The following IGSF9B variants were observed in gnomAD, a reference collection of about 807,000 sequenced individuals.
IGSF9B encodes the protein protein turtle homolog B.
In IGSF9B, 48 loss-of-function variants were observed where a neutral mutation model predicts 143.7. That is an observed-to-expected ratio of 0.33 (90% CI 0.26 to 0.42). The LOEUF (loss-of-function observed/expected upper bound fraction) is 0.42, where lower values mean the gene tolerates loss of function less well. IGSF9B is among the 20% of genes least tolerant of loss of function. The pLI, the probability that IGSF9B is intolerant of heterozygous loss-of-function variation, is 1.00. For missense variants in IGSF9B, 1,706 were observed against 1,980.0 expected (o/e 0.86, Z 2.63); for synonymous variants, 903 against 833.1 (o/e 1.08, Z -1.44).
Position 133,899,072 on chromosome 11 carries a change from A to G in IGSF9B, c.*9997T>C, listed in dbSNP as rs967681853. On this transcript the variant is annotated 3_prime_UTR_variant, in exon 20 of 20. Transcript: ENST00000533871. ...CCTATTCCCGACTCTTGCTCTATAT[A>G]GTAGACAGAGGTAGCAAGACAGAAA... The G allele has an allele frequency of 1.1e-4, 16 of 152,284 alleles. No homozygotes were observed. Among genetic ancestry groups the G allele is most frequent in the Non-Finnish European group, 1.9e-4 (13 of 68,096 alleles). The allele number at this position is 152,284 out of a possible 1,614,324, so 9.4% of individuals were successfully genotyped here.
rs372861748 is a variant in IGSF9B at position 133,940,793 on chromosome 11, C to T, written c.410-2832G>A. Among the ~76,000 whole-genome samples, 50 of 152,304 alleles carry T rather than the reference C, an allele frequency of 3.3e-4. 1 individual carries two copies. The South Asian group carries it at 7.9e-3, about 24-fold the overall frequency. ...TCATCACATGCAAAAACATACACCT[C>T]GCATGTCCTCGAAAAAATCAATTCT... On this transcript the variant is annotated intron_variant, in intron 3 of 19. Transcript: ENST00000533871.
At chr11:133,939,253 C>T (rs1939878476) in intron 3 of IGSF9B, among the ~76,000 whole-genome samples, 1 of 152,206 alleles carries the variant, frequency 6.6e-6, no homozygotes, top group Non-Finnish European at 1.5e-5. Context: ...CAAGTCTTTG[C>T]TAAAATGCTG....
chr11:133,904,078 A>T lies in IGSF9B; in HGVS notation c.*4991T>A, dbSNP rs960318009. Among the ~76,000 whole-genome samples, 4 of 152,112 alleles carry T rather than the reference A, an allele frequency of 2.6e-5. No homozygotes were observed. The highest frequency in any genetic ancestry group is 7.2e-5 in the African/African-American group (3 of 41,418). On this transcript the variant is annotated 3_prime_UTR_variant, in exon 20 of 20. Transcript: ENST00000533871. Reference sequence around the variant, plus strand: ...AGTGACTTTAGCCTATCAAAAGAAGAGAAAGTAAAGAGAAGGCCTCACGAA... The same window carrying T: ...AGTGACTTTAGCCTATCAAAAGAAGTGAAAGTAAAGAGAAGGCCTCACGAA...
In IGSF9B at chr11:133,920,189, G is replaced by A. The variant is rs1214953829; in HGVS notation, c.3536C>T (p.Pro1179Leu). 6.6e-7 allele frequency: 1 copy of A among 1,513,120 alleles called. No homozygotes were observed. The highest frequency in any genetic ancestry group is 8.8e-7 in the Non-Finnish European group (1 of 1,131,044). 93.7% of individuals were successfully genotyped at this position (1,513,120 alleles called of 1,614,324 possible). Reference sequence around the variant, plus strand: ...GGCGCGCCTGGCCTGCCGAGGGCTAGGCCGGGGCCGGGGCTGGGGCTCATA... The same window carrying A: ...GGCGCGCCTGGCCTGCCGAGGGCTAAGCCGGGGCCGGGGCTGGGGCTCATA... ...RWYEPQPRPR[P>L]SPRQARRAEP... Residue 1179 changes from proline to leucine, a missense_variant, in exon 18 of 20, where the codon CCT becomes CTT. Physicochemically the swap from Pro to Leu is moderately conservative, Grantham distance 98. Coordinates refer to ENST00000533871, the MANE Select transcript of IGSF9B (RefSeq NM_001277285.4).
At chr11:133,923,207 C>T (rs996527915) in intron 15 of IGSF9B, among the ~76,000 whole-genome samples, 4 of 152,222 alleles carry the variant, frequency 2.6e-5, no homozygotes, top group Non-Finnish European at 5.9e-5. Context: ...TGCTCCCAGT[C>T]TGGGATTTCC....
chr11:133,940,472 G>A (rs774402436), intron 3 of IGSF9B, among the ~76,000 whole-genome samples: 7 of 139,034 alleles, frequency 5.0e-5, no homozygotes, highest in South Asian at 2.4e-4. Context: ...CCTCGCACGC[G>A]TCATCGCATA....
In IGSF9B at chr11:133,925,840, C is replaced by T. The variant is rs757272235; in HGVS notation, c.1933G>A (p.Asp645Asn). The change falls in exon 14 of 20, where the codon GAC (aspartate) becomes AAC (asparagine). Residue 645 changes from aspartate to asparagine, a missense_variant. Transcript: ENST00000533871. ...LPPANHSFPI[D>N]RYIMEFRVAE... ...ACACGGAACTCCATGATGTAGCGGT[C>T]GATGGGAAAGCTGTGGTTGGCAGGC... 5.0e-6 allele frequency: 8 copies of T among 1,613,810 alleles called. No homozygotes were observed. Among genetic ancestry groups the T allele is most frequent in the East Asian group, 4.5e-5 (2 of 44,878 alleles).
chr11:133,936,198 G>A lies in IGSF9B; in HGVS notation c.680-4C>T. The A allele has an allele frequency of 6.2e-7, 1 of 1,606,224 alleles. No homozygotes were observed. The highest frequency in any genetic ancestry group is 8.5e-7 in the Non-Finnish European group (1 of 1,176,624). On this transcript the variant is annotated splice_region_variant and splice_polypyrimidine_tract_variant and intron_variant, in intron 5 of 19. Transcript: ENST00000533871. ...GGGGAGACGATGAAAGGGGGCCCTG[G>A]GGAGAGCAGGGAACAAACCCCACCT...
intron 1 of IGSF9B, among the ~76,000 whole-genome samples, chr11:133,947,594 C>G (rs1940077496): frequency 1.3e-5 from 2 of 152,252 alleles, no homozygotes; most frequent in Non-Finnish European, 2.9e-5. Flanking sequence ...CTGACTCTCT[C>G]TGCATCTCGG....
At chr11:133,946,382 C>T in intron 1 of IGSF9B, 124 bp from the exon 2 acceptor site, 1 of 780,080 alleles carries the variant, frequency 1.3e-6, no homozygotes, top group Non-Finnish European at 2.1e-6. Context: ...GGCCACCGTA[C>T]CCTCCCAGGA....
chr11:133,919,121 G>GGGGGGGT, intron 18 of IGSF9B: 1 of 357,012 alleles, frequency 2.8e-6, no homozygotes, highest in Non-Finnish European at 5.7e-6. Flanking sequence ...AGGTATACGG[G>GGGGGGGT]GGGGGGGTGG....
intron 18 of IGSF9B, among the ~76,000 whole-genome samples, chr11:133,917,983 C>T (rs1939422167): frequency 7.0e-6 from 1 of 142,324 alleles, no homozygotes; most frequent in South Asian, 2.2e-4. Flanking sequence ...TGGCAGCAGG[C>T]TGGCGAGGCT....
In IGSF9B at chr11:133,919,776, GTCGGAGCAA is replaced by G. The variant is rs1486469856; in HGVS notation, c.3940_3948del (p.Leu1314_Arg1316del). Reference sequence around the variant, plus strand: ...GGTAACGTGGGTGGTGGGGTCTCCGGTCGGAGCAATTCCTCCCCCGTCCTTCGAGGGGAA... The same window carrying G: ...GGTAACGTGGGTGGTGGGGTCTCCGGTTCCTCCCCCGTCCTTCGAGGGGAA... On this transcript the variant is annotated inframe_deletion, in exon 18 of 20. Coordinates refer to ENST00000533871, the MANE Select transcript of IGSF9B (RefSeq NM_001277285.4). 17 of 1,487,566 alleles carry G rather than the reference GTCGGAGCAA, an allele frequency of 1.1e-5. No homozygotes were observed. The highest frequency in any genetic ancestry group is 1.8e-4 in the Middle Eastern group (1 of 5,530). 92.1% of individuals were successfully genotyped at this position (1,487,566 alleles called of 1,614,324 possible).
intron 3 of IGSF9B, among the ~76,000 whole-genome samples, chr11:133,938,432 T>C (rs1939865293): frequency 6.6e-6 from 1 of 152,142 alleles, no homozygotes; most frequent in African/African-American, 2.4e-5. Context: ...AACCTCATTT[T>C]CCCAGATTCT....
Position 133,945,997 on chromosome 11 carries a change from G to A in IGSF9B, c.262+64C>T. The A allele has an allele frequency of 8.6e-7, 1 of 1,167,506 alleles. No individual in the cohort carries two copies. Among genetic ancestry groups the A allele is most frequent in the Non-Finnish European group, 1.2e-6 (1 of 824,694 alleles). The allele number at this position is 1,167,506 out of a possible 1,614,324, so 72.3% of individuals were successfully genotyped here. A position where few individuals can be genotyped will look rare whatever the true frequency, so the allele number is the denominator to read the frequency against. ...GGTCAGGACAAGGCAGGGGCCAGAG[G>A]GGAACCACCGAGGAGCTGACTCCAG... On this transcript the variant is annotated intron_variant, in intron 2 of 19. Coordinates refer to ENST00000533871, the MANE Select transcript of IGSF9B (RefSeq NM_001277285.4). The surrounding 1 kb of genome is among the most constrained non-coding windows in gnomAD (Gnocchi z 4.6).
intron 1 of IGSF9B, among the ~76,000 whole-genome samples, chr11:133,954,326 C>T (rs1440200630): frequency 2.0e-5 from 3 of 152,160 alleles, no homozygotes; most frequent in Admixed American, 6.5e-5. Flanking sequence ...CTTTGAGGCC[C>T]GCACATCCTG....
At position 133,926,906 on chromosome 11, in the gene IGSF9B, G is replaced by A. The variant is rs758857111; in HGVS notation, c.1807+10C>T. On this transcript the variant is annotated intron_variant, in intron 13 of 19. Transcript: ENST00000533871. Reference sequence around the variant, plus strand: ...ACCCCCGCTCCCAACATCCCACCCCGGGCCCTCACCTAAAGTGTTCACAGT... The same window carrying A: ...ACCCCCGCTCCCAACATCCCACCCCAGGCCCTCACCTAAAGTGTTCACAGT... 16 of 1,560,596 alleles carry A rather than the reference G, an allele frequency of 1.0e-5. No homozygotes were observed. Among genetic ancestry groups the A allele is most frequent in the East Asian group, 4.7e-5 (2 of 42,540 alleles).
chr11:133,956,139 A>G (rs1940248096), intron 1 of IGSF9B, among the ~76,000 whole-genome samples: 1 of 152,022 alleles, frequency 6.6e-6, no homozygotes, highest in African/African-American at 2.4e-5. Context: ...AGCTGCCAAG[A>G]TGTGTGGGCA....
At chr11:133,944,850 C>T (rs1940017649) in intron 2 of IGSF9B, among the ~76,000 whole-genome samples, 1 of 152,214 alleles carries the variant, frequency 6.6e-6, no homozygotes, top group Non-Finnish European at 1.5e-5. Context: ...GCTCACCCAG[C>T]TTCCCTCTCT....
Sources: allele counts gnomAD v4.1 joint callset (sites outside exome capture counted in the v4.1 genomes callset), GRCh38; gene constraint gnomAD v4.1.1; non-coding constraint Gnocchi (gnomAD v3.1); transcripts MANE v1.5; gene names NCBI Gene and HGNC (gene_info 2026-07-23, HGNC 2026-07-21).